Variants in NFIA observed in about 807,000 individuals in gnomAD.
NFIA encodes nuclear factor 1 A-type.
Under a neutral mutation model 62.8 loss-of-function variants are expected in NFIA, and 8 were observed. The ratio of observed to expected loss-of-function variants is 0.13; its 90% CI spans 0.07 to 0.23. NFIA has a LOEUF of 0.23. NFIA is among the 10% of genes least tolerant of loss of function. NFIA has a pLI of 1.00. For missense variants in NFIA, 410 were observed against 642.1 expected (o/e 0.64, Z 3.91); for synonymous variants, 235 against 238.1 (o/e 0.99, Z 0.12).
intron 6 of NFIA, among the ~76,000 whole-genome samples, chr1:61,382,738 A>G (rs1039688269): frequency 1.3e-5 from 2 of 152,046 alleles, no homozygotes; most frequent in Non-Finnish European, 2.9e-5. Context: ...TTTCTATTCT[A>G]AAGAATTCAT....
intron 2 of NFIA, among the ~76,000 whole-genome samples, chr1:61,143,515 A>G (rs334727): frequency 0.93 from 140,905 of 152,120 alleles, 65,441 homozygotes; most frequent in Middle Eastern, 0.97. Flanking sequence ...TCAGCCTCCC[A>G]GGTAACTGGG....
chr1:61,170,371 T>A (rs958060481), intron 2 of NFIA, among the ~76,000 whole-genome samples: 1 of 152,202 alleles, frequency 6.6e-6, no homozygotes, highest in Non-Finnish European at 1.5e-5. Context: ...GGAGGAGGAA[T>A]GCCTGTGAAC....
intron 4 of NFIA, among the ~76,000 whole-genome samples, chr1:61,338,449 C>T (rs1661733189): frequency 6.6e-6 from 1 of 152,232 alleles, no homozygotes; most frequent in African/African-American, 2.4e-5. Flanking sequence ...TATATTTTCA[C>T]ACAGGAATTG....
At chr1:61,276,827 A>G (rs1213084566) in intron 2 of NFIA, among the ~76,000 whole-genome samples, 1 of 152,134 alleles carries the variant, frequency 6.6e-6, no homozygotes, top group African/African-American at 2.4e-5. Context: ...AAATTAAAAA[A>G]TGTTTAATTC....
chr1:61,082,862 C>CTT (rs1557551211), intron 1 of NFIA, 44 bp downstream of exon 1: 6 of 671,286 alleles, frequency 8.9e-6, no homozygotes, highest in South Asian at 3.0e-5. Context: ...GCCGGGGCGC[C>CTT]GGGGGCAGGG....
intron 2 of NFIA, among the ~76,000 whole-genome samples, chr1:61,262,469 C>G (rs149258678): frequency 6.6e-6 from 1 of 152,022 alleles, no homozygotes; most frequent in East Asian, 1.9e-4. Context: ...ACAGTACCAA[C>G]GAGGCAGCAT....
At chr1:61,257,599 A>G (rs935766184) in intron 2 of NFIA, among the ~76,000 whole-genome samples, 1 of 151,936 alleles carries the variant, frequency 6.6e-6, no homozygotes, top group African/African-American at 2.4e-5. Flanking sequence ...TGGCCTCCCA[A>G]AGTGCTGGGA....
In NFIA at chr1:61,441,292, GGTGTGTGT is replaced by G. The variant is rs763246425; in HGVS notation, c.1513-13976_1513-13969del. The stretch of plus-strand genomic sequence containing the variant: ...TTACTTTCATAGACTGCCGTGCAGG[GGTGTGTGT>G]GTGTGTGTGTGTGTGTGTGTGTGTG... On this transcript the variant is annotated intron_variant, in intron 10 of 10. Coordinates refer to ENST00000403491, the MANE Select transcript of NFIA (RefSeq NM_001134673.4). Among the ~76,000 whole-genome samples, 335 of 139,460 alleles carry G rather than the reference GGTGTGTGT, an allele frequency of 2.4e-3. 2 individuals are homozygous for G. Among genetic ancestry groups the G allele is most frequent in the Middle Eastern group, 0.011 (3 of 278 alleles). 91.5% of individuals were successfully genotyped at this position (139,460 alleles called of 152,430 possible).
At chr1:61,218,523 G>A (rs1041021035) in intron 2 of NFIA, among the ~76,000 whole-genome samples, 5 of 152,056 alleles carry the variant, frequency 3.3e-5, no homozygotes, top group Non-Finnish European at 7.4e-5. Context: ...TGAAAATACC[G>A]TCATCACGTA....
rs572406128 is a variant in NFIA at position 61,254,838 on chromosome 1, T to A, written c.560-22682T>A. Among the ~76,000 whole-genome samples, 6 of 152,328 alleles carry A rather than the reference T, an allele frequency of 3.9e-5. No individual in the cohort carries two copies. In the South Asian group the frequency reaches 1.2e-3, roughly 32 times the overall value. On this transcript the variant is annotated intron_variant, in intron 2 of 10. Transcript: ENST00000403491. ...CCATATTAGTAGTAGAATTTTAGTGTTGATTTAAAAGACAGTCTGCCTTAA... is the reference window on the plus strand; with the variant it reads ...CCATATTAGTAGTAGAATTTTAGTGATGATTTAAAAGACAGTCTGCCTTAA...
intron 2 of NFIA, among the ~76,000 whole-genome samples, chr1:61,213,652 AT>A (rs1379594681): frequency 6.6e-6 from 1 of 152,136 alleles, no homozygotes. Flanking sequence ...AGTATTTATG[AT>A]TGCTTGAGTA....
intron 3 of NFIA, among the ~76,000 whole-genome samples, chr1:61,304,092 A>T (rs1570545993): frequency 6.6e-6 from 1 of 152,156 alleles, no homozygotes; most frequent in South Asian, 2.1e-4. Context: ...CCTGGCCAAC[A>T]TGATGAAACC....
chr1:61,199,211 A>G (rs1008055176), intron 2 of NFIA, among the ~76,000 whole-genome samples: 1 of 152,194 alleles, frequency 6.6e-6, no homozygotes, highest in Admixed American at 6.5e-5. Context: ...TTATGTTTAC[A>G]TTTGAAATTT....
chr1:61,330,129 C>T (rs866361707), intron 3 of NFIA, among the ~76,000 whole-genome samples: 1 of 152,046 alleles, frequency 6.6e-6, no homozygotes, highest in African/African-American at 2.4e-5. Flanking sequence ...AAAATGGATT[C>T]GGCTTTGCGC....
intron 7 of NFIA, among the ~76,000 whole-genome samples, chr1:61,392,996 A>G (rs1029819842): frequency 1.3e-5 from 2 of 152,006 alleles, no homozygotes; most frequent in African/African-American, 4.8e-5. Context: ...ATCCATACAT[A>G]GTGAAGGCAG....
At chr1:61,176,974 C>T (rs974518225) in intron 2 of NFIA, among the ~76,000 whole-genome samples, 4 of 151,918 alleles carry the variant, frequency 2.6e-5, no homozygotes, top group African/African-American at 7.3e-5. Flanking sequence ...GGCATGGTGG[C>T]GGGCGCCTGT....
chr1:61,335,221 C>T (rs930685208), intron 4 of NFIA, among the ~76,000 whole-genome samples: 2 of 152,148 alleles, frequency 1.3e-5, no homozygotes, highest in African/African-American at 4.8e-5. Flanking sequence ...TGTGTCAGCT[C>T]GATCATGGCT....
intron 2 of NFIA, among the ~76,000 whole-genome samples, chr1:61,110,176 T>C (rs969489146): frequency 1.3e-5 from 2 of 151,972 alleles, no homozygotes; most frequent in Non-Finnish European, 2.9e-5. Context: ...TGACTCTGCC[T>C]GGTGCTGACA....
At chr1:61,452,651 C>T (rs1424483055) in intron 10 of NFIA, among the ~76,000 whole-genome samples, 1 of 152,114 alleles carries the variant, frequency 6.6e-6, no homozygotes, top group East Asian at 1.9e-4. Flanking sequence ...CAAATCATTG[C>T]TAAAATCATC....
Sources: gnomAD v4.1 joint callset for allele counts (sites outside exome capture counted in the v4.1 genomes callset) on GRCh38, gnomAD v4.1.1 for gene constraint, MANE v1.5 for transcripts, NCBI Gene and HGNC (gene_info 2026-07-23, HGNC 2026-07-21) for gene names.